The following DMD variants were observed in gnomAD, a reference collection of about 807,000 sequenced individuals.
The protein encoded by DMD is mutant dystrophin.
In DMD, 63 loss-of-function variants were observed where a neutral mutation model predicts 330.1. The observed-to-expected ratio is 0.19, with a 90% CI of 0.16 to 0.24. The LOEUF is 0.24. Among genes scored for constraint, DMD ranks in the 10% least tolerant of loss-of-function variants. The pLI, the probability that DMD is intolerant of heterozygous loss-of-function variation, is 1.00. For synonymous variants in DMD, 1,223 were observed against 959.8 expected (o/e 1.27, Z -5.07); for missense variants, 3,344 against 2,684.1 (o/e 1.25, Z -5.43).
rs202218706 is a variant in DMD, at chrX:32,331,574, CTA to C, written c.5922+10524_5922+10525del. On this transcript the variant is annotated intron_variant, in intron 41 of 78. Transcript: ENST00000357033. ...TAGAAAAATTTGACACAGTATATTA[CTA>C]TGTTTTTTCTTATGTTTATTAATAT... is the stretch of plus-strand genomic sequence containing the variant. 6.2e-3 allele frequency among the ~76,000 whole-genome samples: 685 copies of C among 111,071 alleles called. 4 individuals carry two copies. The highest frequency in any genetic ancestry group is 9.6e-3 in the East Asian group (34 of 3,529).
intron 1 of DMD, among the ~76,000 whole-genome samples, chrX:33,139,892 A>T (rs1017361026): frequency 4.5e-5 from 5 of 110,021 alleles, no homozygotes; most frequent in Non-Finnish European, 9.5e-5. Context: ...AAAAAAAAAA[A>T]AAAATGTCTA....
chrX:31,802,213 A>C (rs1178070054), intron 50 of DMD, among the ~76,000 whole-genome samples: 1 of 110,158 alleles, frequency 9.1e-6, no homozygotes, highest in Non-Finnish European at 1.9e-5. Context: ...AAGGTACTGG[A>C]GCATTTTAAA....
rs751784459 is a variant in DMD, at chrX:32,636,986, ACT to A, written c.1331+7144_1331+7145del. On this transcript the variant is annotated intron_variant, in intron 11 of 78. Coordinates refer to ENST00000357033, the MANE Select transcript of DMD (RefSeq NM_004006.3). ...GCACTCCAGCCTGGGAGACAGGGAG[ACT>A]CTGTCTCAAAAAAAAAAGAAAAAGA... 6.6e-4 allele frequency among the ~76,000 whole-genome samples: 71 copies of A among 108,386 alleles called. No individual in the cohort carries two copies. In the South Asian group the frequency reaches 8.1e-3, roughly 12 times the overall value. 94.1% of individuals were successfully genotyped at this position (108,386 alleles called of 115,157 possible). A position where few individuals can be genotyped will look rare whatever the true frequency, so the allele number is the denominator to read the frequency against.
intron 2 of DMD, among the ~76,000 whole-genome samples, chrX:32,881,761 T>C (rs1224674832): frequency 2.7e-5 from 3 of 112,173 alleles, no homozygotes; most frequent in African/African-American, 9.7e-5. Flanking sequence ...TTAGCACTCA[T>C]GCTGGTTAGA....
chrX:32,696,965 C>T (rs1453280195), intron 9 of DMD, among the ~76,000 whole-genome samples: 1 of 111,332 alleles, frequency 9.0e-6, no homozygotes, highest in African/African-American at 3.3e-5. Context: ...ATGCACACCA[C>T]TATCTTAACA....
intron 29 of DMD, 94 bp from the exon 30 acceptor site, chrX:32,412,007 T>C (rs778335053): frequency 1.7e-6 from 2 of 1,192,648 alleles, no homozygotes; most frequent in East Asian, 6.0e-5. Flanking sequence ...TTCTAGACTC[T>C]TCCACAATCA....
At chrX:32,356,442 T>A (rs766273537) in intron 37 of DMD, among the ~76,000 whole-genome samples, 79 of 97,313 alleles carry the variant, frequency 8.1e-4, no homozygotes, top group African/African-American at 3.0e-3. Flanking sequence ...AATCAAACAA[T>A]GAATATTTAA....
At chrX:32,224,891 A>C (rs1346448725) in intron 43 of DMD, among the ~76,000 whole-genome samples, 1 of 111,156 alleles carries the variant, frequency 9.0e-6, no homozygotes, top group African/African-American at 3.3e-5. Context: ...AATTCTACAC[A>C]TTTTTTCCCT....
intron 52 of DMD, among the ~76,000 whole-genome samples, chrX:31,719,902 A>T (rs2085340906): frequency 8.9e-6 from 1 of 111,874 alleles, no homozygotes; most frequent in South Asian, 3.7e-4. Flanking sequence ...CAGTCAAGCC[A>T]TCATATGACT....
chrX:31,725,681 G>C (rs1389863711), intron 52 of DMD, among the ~76,000 whole-genome samples: 1 of 111,754 alleles, frequency 8.9e-6, no homozygotes, highest in African/African-American at 3.3e-5. Flanking sequence ...GGCCAGTCTA[G>C]GCAGCCTGCC....
At chrX:33,059,407 T>TCTCC (rs1460825561) in intron 1 of DMD, among the ~76,000 whole-genome samples, 5 of 110,362 alleles carry the variant, frequency 4.5e-5, no homozygotes, top group Non-Finnish European at 7.6e-5. Context: ...TCTCTCTCTC[T>TCTCC]CCAACTCCCA....
At chrX:32,778,235 G>A (rs1177219792) in intron 7 of DMD, among the ~76,000 whole-genome samples, 49 of 90,185 alleles carry the variant, frequency 5.4e-4, no homozygotes, top group African/African-American at 1.8e-3. Context: ...TAAAATGTCA[G>A]ATCCTCGCAA....
chrX:31,882,432 T>A (rs1263021808), intron 47 of DMD, among the ~76,000 whole-genome samples: 2 of 111,326 alleles, frequency 1.8e-5, no homozygotes, highest in African/African-American at 3.3e-5. Flanking sequence ...GGCAAAAAAA[T>A]AAAGTTTTCA....
chrX:31,504,103 C>A (rs965564292), intron 56 of DMD, among the ~76,000 whole-genome samples: 14 of 110,867 alleles, frequency 1.3e-4, no homozygotes, highest in Non-Finnish European at 2.3e-4. Context: ...GATATGGAGA[C>A]CTACAAGATT....
intron 33 of DMD, among the ~76,000 whole-genome samples, chrX:32,386,097 C>A (rs1335346362): frequency 9.1e-6 from 1 of 109,776 alleles, no homozygotes; most frequent in Non-Finnish European, 1.9e-5. Flanking sequence ...ATGAGAATTC[C>A]ACATCGAAAT....
intron 62 of DMD, among the ~76,000 whole-genome samples, chrX:31,293,218 T>TGTGTGTGTGTGTGTGTGGTCTGGTTTA (rs2053894380): frequency 2.1e-5 from 2 of 95,912 alleles, no homozygotes; most frequent in African/African-American, 8.8e-5. Flanking sequence ...TGTGTGTGTG[T>TGTGTGTGTGTGTGTGTGGTCTGGTTTA]GTGTGTGTGT....
chrX:31,308,174 C>T (rs1490999520), intron 62 of DMD, among the ~76,000 whole-genome samples: 1 of 111,986 alleles, frequency 8.9e-6, no homozygotes, highest in Non-Finnish European at 1.9e-5. Context: ...AGGGATCCCT[C>T]TATTAAGACA....
chrX:32,678,873 G>A (rs2062159101), intron 9 of DMD, among the ~76,000 whole-genome samples: 1 of 111,199 alleles, frequency 9.0e-6, no homozygotes, highest in Non-Finnish European at 1.9e-5. Flanking sequence ...CAATAAAACA[G>A]ATTTTTAAAC....
intron 44 of DMD, among the ~76,000 whole-genome samples, chrX:32,112,840 G>C (rs1206132196): frequency 9.0e-6 from 1 of 111,332 alleles, no homozygotes; most frequent in Non-Finnish European, 1.9e-5. Context: ...ACAGCCTCCA[G>C]TCCACCTCCT....
Sources: allele counts gnomAD v4.1 joint callset (sites outside exome capture counted in the v4.1 genomes callset), GRCh38; gene constraint gnomAD v4.1.1; transcripts MANE v1.5; gene names NCBI Gene and HGNC (gene_info 2026-07-23, HGNC 2026-07-21).